Variants in GPC1 observed in about 807,000 individuals in gnomAD.
GPC1 encodes glypican 1.
In GPC1, 26 loss-of-function variants were observed where a neutral mutation model predicts 51.5. The observed-to-expected ratio is 0.50, with a 90% CI of 0.37 to 0.70. The LOEUF is 0.70. Ranked by LOEUF, GPC1 falls within the 30% of genes least tolerant of loss-of-function variation. The pLI, the probability that GPC1 is intolerant of heterozygous loss-of-function variation, is 0.00. For synonymous variants in GPC1, 380 were observed against 348.3 expected (o/e 1.09, Z -1.01); for missense variants, 775 against 800.5 (o/e 0.97, Z 0.38).
intron 1 of GPC1, chr2:240,451,117 C>T: frequency 2.1e-6 from 1 of 471,076 alleles, no homozygotes; most frequent in South Asian, 1.5e-5. Flanking sequence ...TTTGCTCCCT[C>T]CCCTTCTGTT....
intron 1 of GPC1, chr2:240,456,774 T>C (rs1574772061): frequency 2.7e-6 from 1 of 372,614 alleles, no homozygotes; most frequent in African/African-American, 2.1e-5. Context: ...CCCACGGGGG[T>C]GGGACTGGGG....
At chr2:240,463,206 C>T (rs1338684303) in intron 3 of GPC1, 141 bp from the exon 4 acceptor site, 7 of 664,132 alleles carry the variant, frequency 1.1e-5, no homozygotes, top group African/African-American at 1.8e-5. Flanking sequence ...AGTCAGGCAG[C>T]GACCACCACG....
Position 240,448,815 on chromosome 2 carries a change from G to T in GPC1, c.167-10215G>T, listed in dbSNP as rs2074071524. Among the ~76,000 whole-genome samples the T allele has an allele frequency of 6.6e-6, 1 of 152,178 alleles. No homozygotes were observed. The highest frequency in any genetic ancestry group is 1.5e-5 in the Non-Finnish European group (1 of 68,014). On this transcript the variant is annotated intron_variant, in intron 1 of 8. Transcript: ENST00000264039. This position sits in a 1 kb window ranked among gnomAD's most constrained non-coding sequence, Gnocchi z 4.5. ...CTGCCTGAGGCCCAACTAGGTTTCA[G>T]CAGCACCTGGCCAGCAATGGGATAG...
chr2:240,466,447 C>T lies in GPC1; in HGVS notation c.*157C>T, dbSNP rs11892254. On this transcript the variant is annotated 3_prime_UTR_variant, in exon 9 of 9. Transcript: ENST00000264039. The stretch of plus-strand genomic sequence containing the variant: ...CAGGCGCAGAGGTCCCAGCCCCAGG[C>T]CTGGCCTCGCCTGCCTTTCTGCCTT... 0.096 allele frequency: 56,170 copies of T among 587,358 alleles called. 3,029 individuals carry two copies. The highest frequency in any genetic ancestry group is 0.11 in the African/African-American group (6,103 of 53,696). The allele number at this position is 587,358 out of a possible 1,614,324, so 36.4% of individuals were successfully genotyped here.
intron 1 of GPC1, among the ~76,000 whole-genome samples, chr2:240,457,773 C>A (rs2074181223): frequency 6.6e-6 from 1 of 152,176 alleles, no homozygotes; most frequent in Non-Finnish European, 1.5e-5. Flanking sequence ...TCACTTCCTG[C>A]TGACCCTCAG....
rs963932346 is a variant in GPC1 at position 240,466,857 on chromosome 2, G to A, written c.*567G>A. 4.6e-5 allele frequency: 7 copies of A among 153,258 alleles called. No individual in the cohort carries two copies. Among genetic ancestry groups the A allele is most frequent in the Middle Eastern group, 3.4e-3 (1 of 296 alleles). The allele number at this position is 153,258 out of a possible 1,614,324, so 9.5% of individuals were successfully genotyped here. ...GCAGAGCCCGGCCCCACCTCCCTGC[G>A]CCCTTGAGGGGCCCCAGCGTCTGCA... On this transcript the variant is annotated 3_prime_UTR_variant, in exon 9 of 9. Transcript: ENST00000264039.
At chr2:240,464,312 C>G in intron 4 of GPC1, 1 of 407,938 alleles carries the variant, frequency 2.5e-6, no homozygotes, top group South Asian at 2.3e-5. Flanking sequence ...ATGTCAACAC[C>G]TGCATGAGCC....
chr2:240,441,358 T>C (rs1478435973), intron 1 of GPC1, among the ~76,000 whole-genome samples: 1 of 151,736 alleles, frequency 6.6e-6, no homozygotes, highest in African/African-American at 2.4e-5. Flanking sequence ...ACTGGTCAGG[T>C]CTGGCCTGGG....
At chr2:240,457,800 G>T (rs1288295785) in intron 1 of GPC1, among the ~76,000 whole-genome samples, 1 of 152,156 alleles carries the variant, frequency 6.6e-6, no homozygotes, top group Non-Finnish European at 1.5e-5. Flanking sequence ...GTAAAAGAAT[G>T]CAGGACCTGC....
chr2:240,461,452 G>A (rs1574776689), intron 2 of GPC1, among the ~76,000 whole-genome samples: 1 of 152,204 alleles, frequency 6.6e-6, no homozygotes, highest in African/African-American at 2.4e-5. Flanking sequence ...ATGGGATGGG[G>A]AAGTCCAGGG....
rs370369714 is a variant in GPC1 at position 240,463,481 on chromosome 2, C to T, written c.852C>T (p.Ala284=). Residue 284 remains alanine, a synonymous_variant, in exon 4 of 9, where the codon GCC becomes GCT. Coordinates refer to ENST00000264039, the MANE Select transcript of GPC1 (RefSeq NM_002081.3). The part of the protein sequence containing the change: ...NVLKGCLANQ[A]DLDAEWRNLL... ...TCAAGGGCTGCCTTGCCAACCAGGC[C>T]GACCTGGACGCCGAGTGGAGGAACC... 3 of 1,612,962 alleles carry T rather than the reference C, an allele frequency of 1.9e-6. No homozygotes were observed. Among genetic ancestry groups the T allele is most frequent in the Non-Finnish European group, 1.7e-6 (2 of 1,179,946 alleles).
At chr2:240,451,981 T>G (rs2074102989) in intron 1 of GPC1, 1 of 152,904 alleles carries the variant, frequency 6.5e-6, no homozygotes, top group Non-Finnish European at 1.5e-5. Flanking sequence ...GTGGCCTGCC[T>G]TGGTGGTCTG....
At chr2:240,457,564 A>T in intron 1 of GPC1, 1 of 443,332 alleles carries the variant, frequency 2.3e-6, no homozygotes, top group South Asian at 1.6e-5. Context: ...TCTTGCAGTA[A>T]GCGGGTAGGG....
Position 240,453,108 on chromosome 2 carries a change from C to T in GPC1, c.167-5922C>T, listed in dbSNP as rs772265372. 6.7e-5 allele frequency: 19 copies of T among 282,804 alleles called. 1 individual carries two copies. Among genetic ancestry groups the T allele is most frequent in the South Asian group, 5.0e-4 (19 of 38,028 alleles). 17.5% of individuals were successfully genotyped at this position (282,804 alleles called of 1,614,324 possible). A position where few individuals can be genotyped will look rare whatever the true frequency, so the allele number is the denominator to read the frequency against. On this transcript the variant is annotated intron_variant, in intron 1 of 8. Coordinates refer to ENST00000264039, the MANE Select transcript of GPC1 (RefSeq NM_002081.3). ...GTACCCGCATCCGCAGGCGCGCCAC[C>T]CCCATCTCCACCCGCTCCTCGTCCC...
chr2:240,464,447 C>A, intron 4 of GPC1, 169 bp from the exon 5 acceptor site: 1 of 801,920 alleles, frequency 1.2e-6, no homozygotes, highest in South Asian at 1.6e-5. Flanking sequence ...GTGCACGTGG[C>A]CTGCACATGT....
chr2:240,441,113 C>G (rs980025092), intron 1 of GPC1, among the ~76,000 whole-genome samples: 1 of 152,270 alleles, frequency 6.6e-6, no homozygotes, highest in African/African-American at 2.4e-5. Context: ...ACAGTGTGAG[C>G]CTGTGGTTAA....
chr2:240,451,153 C>T (rs1204037915), intron 1 of GPC1: 2 of 471,182 alleles, frequency 4.2e-6, no homozygotes, highest in Non-Finnish European at 8.8e-6. Context: ...ATGAGCCATC[C>T]CTCTTGGCGG....
intron 1 of GPC1, chr2:240,450,705 A>G (rs2074090931): frequency 2.1e-6 from 1 of 468,668 alleles, no homozygotes; most frequent in African/African-American, 2.0e-5. Context: ...CTCGTGGGCC[A>G]TGCTGGCAGT....
chr2:240,466,947 T>C lies in GPC1; in HGVS notation c.*657T>C, dbSNP rs1054056817. 15 of 152,306 alleles carry C rather than the reference T, an allele frequency of 9.8e-5. No homozygotes were observed. Among genetic ancestry groups the C allele is most frequent in the African/African-American group, 3.6e-4 (15 of 41,556 alleles). The allele number at this position is 152,306 out of a possible 1,614,324, so 9.4% of individuals were successfully genotyped here. ...GGACTGTCCTCCCACAGACCTGCAG[T>C]GAGGGGCCCTCCATGCGCAGATGAG... is the stretch of plus-strand genomic sequence containing the variant. On this transcript the variant is annotated 3_prime_UTR_variant, in exon 9 of 9. Transcript: ENST00000264039.
Sources: allele counts gnomAD v4.1 joint callset (sites outside exome capture counted in the v4.1 genomes callset), GRCh38; gene constraint gnomAD v4.1.1; non-coding constraint Gnocchi (gnomAD v3.1); transcripts MANE v1.5; gene names NCBI Gene and HGNC (gene_info 2026-07-23, HGNC 2026-07-21).